The following DOCK5 variants were observed in gnomAD, a reference collection of about 807,000 sequenced individuals.
The protein encoded by DOCK5 is dedicator of cytokinesis protein 5.
In DOCK5, 142 loss-of-function variants were observed where a neutral mutation model predicts 251.8. That is an observed-to-expected ratio of 0.56 (90% CI 0.49 to 0.65). DOCK5 has a LOEUF of 0.65. DOCK5 is among the 30% of genes least tolerant of loss of function. The probability of loss-of-function intolerance (pLI) is 0.00; values close to 1 mark genes in which losing one functional copy is unlikely to be tolerated. For synonymous variants in DOCK5, 842 were observed against 835.5 expected, an observed-to-expected ratio of 1.01 and a Z score of -0.13; for missense variants, 2,111 against 2,312.3, an observed-to-expected ratio of 0.91 and a Z score of 1.79.
intron 11 of DOCK5, among the ~76,000 whole-genome samples, chr8:25,306,673 G>A (rs1199043877): frequency 2.6e-5 from 4 of 151,076 alleles, no homozygotes; most frequent in South Asian, 4.2e-4. Context: ...CAGCCTCGGC[G>A]ACAGAGCGAG....
At chr8:25,350,224 G>T (rs1038837188) in intron 26 of DOCK5, among the ~76,000 whole-genome samples, 5 of 152,124 alleles carry the variant, frequency 3.3e-5, no homozygotes, top group Non-Finnish European at 7.4e-5. Context: ...ATTTGTAAAA[G>T]ATAATAAAAA....
intron 20 of DOCK5, among the ~76,000 whole-genome samples, chr8:25,333,315 G>A (rs1358808573): frequency 1.3e-5 from 2 of 152,214 alleles, no homozygotes; most frequent in Non-Finnish European, 2.9e-5. Context: ...AGCTGAGGAG[G>A]AAGGTCAGTT....
chr8:25,205,149 C>T (rs1249686281), intron 1 of DOCK5, among the ~76,000 whole-genome samples: 1 of 152,164 alleles, frequency 6.6e-6, no homozygotes, highest in Non-Finnish European at 1.5e-5. Context: ...CCTCCCACCT[C>T]AGCCTCCCAA....
intron 1 of DOCK5, among the ~76,000 whole-genome samples, chr8:25,233,401 C>T (rs1172176833): frequency 1.3e-5 from 2 of 152,208 alleles, no homozygotes; most frequent in African/African-American, 4.8e-5. Flanking sequence ...AAACAAATCC[C>T]AAATTCAAAC....
chr8:25,331,880 A>T (rs1035796660), intron 18 of DOCK5, among the ~76,000 whole-genome samples: 1 of 151,528 alleles, frequency 6.6e-6, no homozygotes, highest in African/African-American at 2.4e-5. Flanking sequence ...CTCTGAATCC[A>T]CCCAGACATA....
chr8:25,190,775 GGTTTTTTTTTTT>G lies in DOCK5; in HGVS notation c.43+5825_43+5836del, dbSNP rs1319957949. ...AAGGCCTGGCCTTAACTTGGTCATG[GGTTTTTTTTTTT>G]TTTTTTTTTTTTTTGAGACGGAGTC... On this transcript the variant is annotated intron_variant, in intron 1 of 51. Transcript: ENST00000276440. Among the ~76,000 whole-genome samples, 246 of 53,992 alleles carry G rather than the reference GGTTTTTTTTTTT, an allele frequency of 4.6e-3. 9 individuals carry two copies. Among genetic ancestry groups the G allele is most frequent in the Non-Finnish European group, 6.5e-3 (194 of 30,066 alleles). The allele number at this position is 53,992 out of a possible 152,430, so 35.4% of individuals were successfully genotyped here. A position where few individuals can be genotyped will look rare whatever the true frequency, so the allele number is the denominator to read the frequency against.
chr8:25,189,339 G>T (rs1348347907), intron 1 of DOCK5, among the ~76,000 whole-genome samples: 2 of 151,930 alleles, frequency 1.3e-5, no homozygotes, highest in African/African-American at 4.8e-5. Context: ...GATTACAGGG[G>T]TGAGCCATGA....
At chr8:25,262,637 G>A (rs774679477) in intron 2 of DOCK5, among the ~76,000 whole-genome samples, 2 of 151,986 alleles carry the variant, frequency 1.3e-5, no homozygotes, top group Admixed American at 6.6e-5. Flanking sequence ...AACTCCTCTC[G>A]AATTCTGAGG....
chr8:25,216,070 A>C (rs886856632), intron 1 of DOCK5, among the ~76,000 whole-genome samples: 15 of 151,738 alleles, frequency 9.9e-5, no homozygotes, highest in African/African-American at 1.5e-4. Context: ...CAATATGTCT[A>C]TACGTGTATA....
At chr8:25,240,055 A>G (rs1352331683) in intron 1 of DOCK5, among the ~76,000 whole-genome samples, 1 of 152,116 alleles carries the variant, frequency 6.6e-6, no homozygotes, top group African/African-American at 2.4e-5. Flanking sequence ...ACCACTGGCA[A>G]TGTCAAGGAC....
At chr8:25,266,487 T>C (rs912896800) in intron 2 of DOCK5, among the ~76,000 whole-genome samples, 4 of 152,040 alleles carry the variant, frequency 2.6e-5, no homozygotes, top group Admixed American at 2.6e-4. Flanking sequence ...AGTGCTGGGA[T>C]TACAGCATTA....
At chr8:25,381,519 T>G (rs1049427658) in intron 39 of DOCK5, among the ~76,000 whole-genome samples, 2 of 151,872 alleles carry the variant, frequency 1.3e-5, no homozygotes, top group African/African-American at 4.8e-5. Context: ...CCAGCTACTT[T>G]TGGGAGGCTG....
chr8:25,288,496 G>A (rs143752506), intron 5 of DOCK5, among the ~76,000 whole-genome samples: 114 of 152,298 alleles, frequency 7.5e-4, no homozygotes, highest in Non-Finnish European at 1.2e-3. Context: ...AAATTGCCAC[G>A]GATAGTGTCT....
In DOCK5 at chr8:25,399,775, GCTGT is replaced by G; in HGVS notation, c.4705-132_4705-129del. 3 of 648,482 alleles carry G rather than the reference GCTGT, an allele frequency of 4.6e-6. No individual in the cohort carries two copies. In the South Asian group the frequency reaches 5.6e-5, roughly 12 times the overall value. 40.2% of individuals were successfully genotyped at this position (648,482 alleles called of 1,614,324 possible). On this transcript the variant is annotated intron_variant, in intron 45 of 51. Transcript: ENST00000276440. The stretch of plus-strand genomic sequence containing the variant: ...TTGCATTGTCCAACATAGTATAAGA[GCTGT>G]CTGAGGAAAGGGATGCATTTTTAGT...
intron 1 of DOCK5, among the ~76,000 whole-genome samples, chr8:25,187,006 C>T (rs1301480607): frequency 6.6e-6 from 1 of 151,672 alleles, no homozygotes; most frequent in African/African-American, 2.4e-5. Flanking sequence ...TCAAAACTAG[C>T]ATAGCAACAT....
chr8:25,300,574 A>G lies in DOCK5; in HGVS notation c.765-2A>G. 6.2e-7 allele frequency: 1 copy of G among 1,611,626 alleles called. No individual in the cohort carries two copies. Among genetic ancestry groups the G allele is most frequent in the Non-Finnish European group, 8.5e-7 (1 of 1,178,768 alleles). ...AAGAGCAATTTTTTTTTCCTTTGCC[A>G]GTGAGAACTATCTAATTCGTTGGGG... is the stretch of plus-strand genomic sequence containing the variant. On this transcript the variant is annotated splice_acceptor_variant, in intron 8 of 51. Coordinates refer to ENST00000276440, the MANE Select transcript of DOCK5 (RefSeq NM_024940.8). LOFTEE classifies it high-confidence loss of function.
At chr8:25,369,684 T>C (rs1246954259) in intron 34 of DOCK5, 43 bp downstream of exon 34, 2 of 1,537,210 alleles carry the variant, frequency 1.3e-6, no homozygotes, top group East Asian at 4.7e-5. Context: ...TGGTGTCATT[T>C]AGTAATAGAG....
chr8:25,235,545 A>G (rs1306048822), intron 1 of DOCK5, among the ~76,000 whole-genome samples: 1 of 152,036 alleles, frequency 6.6e-6, no homozygotes, highest in Non-Finnish European at 1.5e-5. Flanking sequence ...GGCGTGAGCC[A>G]CTATGCTGGG....
chr8:25,384,770 T>TA (rs558627257), intron 40 of DOCK5, among the ~76,000 whole-genome samples: 103 of 151,382 alleles, frequency 6.8e-4, no homozygotes, highest in African/African-American at 2.4e-3. Flanking sequence ...TATGTCTTAA[T>TA]AAAAAAAAGA....
Sources: gnomAD v4.1 joint callset for allele counts (sites outside exome capture counted in the v4.1 genomes callset) on GRCh38, gnomAD v4.1.1 for gene constraint, MANE v1.5 for transcripts, NCBI Gene and HGNC (gene_info 2026-07-23, HGNC 2026-07-21) for gene names.